The following PCCA variants were observed in gnomAD, a reference collection of about 807,000 sequenced individuals.
The protein encoded by PCCA is propionyl-CoA carboxylase subunit alpha.
PCCA carries 74 observed loss-of-function variants against 101.3 expected under a neutral mutation model. The observed-to-expected ratio is 0.73, with a 90% CI of 0.61 to 0.89. PCCA has a LOEUF of 0.89. Among genes scored for constraint, PCCA ranks in the 40% least tolerant of loss-of-function variants. The pLI, the probability that PCCA is intolerant of heterozygous loss-of-function variation, is 0.00. For missense variants in PCCA, 891 were observed against 907.0 expected, an observed-to-expected ratio of 0.98 and a Z score of 0.23; for synonymous variants, 294 against 313.6, an observed-to-expected ratio of 0.94 and a Z score of 0.66.
At chr13:100,161,649 C>T (rs924752124) in intron 6 of PCCA, 3 of 139,314 alleles carry the variant, frequency 2.2e-5, no homozygotes, top group Non-Finnish European at 4.6e-5. Context: ...TCTACTCATT[C>T]ATATTTGGAC....
chr13:100,191,484 CACAGAT>C (rs1428357278), intron 6 of PCCA, among the ~76,000 whole-genome samples: 1 of 152,160 alleles, frequency 6.6e-6, no homozygotes, highest in African/African-American at 2.4e-5. Flanking sequence ...CATATATCCT[CACAGAT>C]AGGGAAACTG....
chr13:100,093,945 AAGT>A (rs1205882239), intron 1 of PCCA, among the ~76,000 whole-genome samples: 1 of 151,964 alleles, frequency 6.6e-6, no homozygotes, highest in Non-Finnish European at 1.5e-5. Flanking sequence ...TCTCAAAAAA[AAGT>A]CTGGGCACGA....
intron 4 of PCCA, among the ~76,000 whole-genome samples, chr13:100,139,255 A>C (rs2051571170): frequency 6.6e-6 from 1 of 151,904 alleles, no homozygotes; most frequent in Non-Finnish European, 1.5e-5. Context: ...CTTCTTGAAT[A>C]TGTAGGTTTA....
intron 20 of PCCA, among the ~76,000 whole-genome samples, chr13:100,426,927 CTG>C (rs2079186748): frequency 1.3e-5 from 2 of 152,114 alleles, no homozygotes; most frequent in African/African-American, 4.8e-5. Context: ...TCTTTAAAAA[CTG>C]TGGTGTCTGG....
intron 10 of PCCA, among the ~76,000 whole-genome samples, chr13:100,263,842 C>T (rs1010641588): frequency 9.2e-6 from 1 of 108,860 alleles, no homozygotes; most frequent in Non-Finnish European, 2.0e-5. Context: ...ATCTGTATAT[C>T]GTATATATAT....
chr13:100,479,958 C>G (rs772899298), intron 21 of PCCA, among the ~76,000 whole-genome samples: 27 of 152,174 alleles, frequency 1.8e-4, no homozygotes, highest in Non-Finnish European at 3.8e-4. Flanking sequence ...TCTTTTCTTA[C>G]TTCATGGGTC....
At chr13:100,317,587 A>G (rs1362358271) in intron 16 of PCCA, among the ~76,000 whole-genome samples, 1 of 152,002 alleles carries the variant, frequency 6.6e-6, no homozygotes, top group African/African-American at 2.4e-5. Flanking sequence ...CATTCTTTGT[A>G]ATTGTGGTTG....
intron 7 of PCCA, among the ~76,000 whole-genome samples, chr13:100,215,526 A>G (rs1032676998): frequency 2.0e-5 from 3 of 152,162 alleles, no homozygotes; most frequent in Non-Finnish European, 4.4e-5. Flanking sequence ...TCCAAGACCT[A>G]CCCCCTCAGA....
intron 20 of PCCA, among the ~76,000 whole-genome samples, chr13:100,433,833 CAA>C (rs1482899620): frequency 6.6e-6 from 1 of 152,168 alleles, no homozygotes; most frequent in African/African-American, 2.4e-5. Context: ...ACTCCTATAA[CAA>C]AAGACAGGTT....
intron 6 of PCCA, among the ~76,000 whole-genome samples, chr13:100,207,212 C>T (rs2058911742): frequency 6.6e-6 from 1 of 152,064 alleles, no homozygotes; most frequent in Admixed American, 6.5e-5. Flanking sequence ...ACTTAAAAGT[C>T]AGATATTATC....
chr13:100,187,879 G>A (rs1001679122), intron 6 of PCCA, among the ~76,000 whole-genome samples: 1 of 152,120 alleles, frequency 6.6e-6, no homozygotes, highest in Admixed American at 6.6e-5. Context: ...TACCCAAGGT[G>A]TAGTCTTTTA....
intron 12 of PCCA, among the ~76,000 whole-genome samples, chr13:100,292,771 A>T (rs1479364264): frequency 6.6e-6 from 1 of 152,222 alleles, no homozygotes; most frequent in Non-Finnish European, 1.5e-5. Flanking sequence ...TTTTAAAGAG[A>T]TCTCCTTTCT....
intron 4 of PCCA, among the ~76,000 whole-genome samples, chr13:100,137,817 T>TC (rs1287717935): frequency 1.3e-5 from 2 of 151,722 alleles, no homozygotes; most frequent in African/African-American, 4.8e-5. Context: ...TTTTTTTTTT[T>TC]TATTTTTTTC....
chr13:100,400,848 A>T (rs1219944033), intron 19 of PCCA, among the ~76,000 whole-genome samples: 1 of 151,620 alleles, frequency 6.6e-6, no homozygotes, highest in Non-Finnish European at 1.5e-5. Context: ...ATGGTTTCGA[A>T]CTCCTGATCT....
At position 100,424,454 on chromosome 13, in the gene PCCA, G is replaced by A. The variant is rs868478038; in HGVS notation, c.1747-1179G>A. On this transcript the variant is annotated intron_variant, in intron 19 of 23. Coordinates refer to ENST00000376285, the MANE Select transcript of PCCA (RefSeq NM_000282.4). Reference sequence around the variant, plus strand: ...GTCAGAACTTCAGGATTCCTATCACGATGTACTTGGGTTATTTGCCCAGCC... The same window carrying A: ...GTCAGAACTTCAGGATTCCTATCACAATGTACTTGGGTTATTTGCCCAGCC... Among the ~76,000 whole-genome samples, 8 of 152,052 alleles carry A rather than the reference G, an allele frequency of 5.3e-5. No homozygotes were observed. The South Asian group carries it at 8.3e-4, about 16-fold the overall frequency.
intron 1 of PCCA, 101 bp downstream of exon 1, chr13:100,089,326 G>A: frequency 3.0e-6 from 4 of 1,311,614 alleles, no homozygotes; most frequent in Non-Finnish European, 3.9e-6. Context: ...GGGTCCGGCT[G>A]CCCCCGCGCC....
At chr13:100,216,532 G>A (rs930559324) in intron 7 of PCCA, among the ~76,000 whole-genome samples, 7 of 152,206 alleles carry the variant, frequency 4.6e-5, no homozygotes, top group Non-Finnish European at 8.8e-5. Flanking sequence ...TATTGTCAGT[G>A]CTTAAGTCAA....
chr13:100,372,951 C>T (rs1359565775), intron 19 of PCCA, among the ~76,000 whole-genome samples: 1 of 152,098 alleles, frequency 6.6e-6, no homozygotes, highest in Admixed American at 6.6e-5. Context: ...ACCATGTTGG[C>T]CAGGCTGGTC....
At chr13:100,396,075 G>A (rs534444589) in intron 19 of PCCA, among the ~76,000 whole-genome samples, 8 of 152,236 alleles carry the variant, frequency 5.3e-5, no homozygotes, top group Admixed American at 3.9e-4. Flanking sequence ...ATAATTTAAC[G>A]TTATGCTGAA....
Sources: gnomAD v4.1 joint callset for allele counts (sites outside exome capture counted in the v4.1 genomes callset) on GRCh38, gnomAD v4.1.1 for gene constraint, MANE v1.5 for transcripts, NCBI Gene and HGNC (gene_info 2026-07-23, HGNC 2026-07-21) for gene names.